The following ENO4 variants were observed in gnomAD, a reference collection of about 807,000 sequenced individuals.
The protein encoded by ENO4 is 2-phospho-D-glycerate hydro-lyase.
In ENO4, 53 loss-of-function variants were observed where a neutral mutation model predicts 63.2. The ratio of observed to expected loss-of-function variants is 0.84; its 90% CI spans 0.67 to 1.05. ENO4 has a LOEUF of 1.05. Ranked by LOEUF, ENO4 falls within the 50% of genes least tolerant of loss-of-function variation. The pLI, the probability that ENO4 is intolerant of heterozygous loss-of-function variation, is 0.00. For missense variants in ENO4, 719 were observed against 772.0 expected, an observed-to-expected ratio of 0.93 and a Z score of 0.81; for synonymous variants, 266 against 283.8, an observed-to-expected ratio of 0.94 and a Z score of 0.63.
intron 12 of ENO4, among the ~76,000 whole-genome samples, 155 bp from the exon 13 acceptor site, chr10:116,879,714 G>A (rs1428163348): frequency 6.6e-6 from 1 of 152,216 alleles, no homozygotes; most frequent in African/African-American, 2.4e-5. Context: ...AGCACTCTCA[G>A]CTTGTAGGCC....
intron 11 of ENO4, among the ~76,000 whole-genome samples, chr10:116,878,979 A>G (rs945683691): frequency 1.2e-4 from 19 of 152,090 alleles, no homozygotes; most frequent in South Asian, 4.2e-4. Context: ...TCCTGACCTC[A>G]TGATCCACCT....
intron 4 of ENO4, 115 bp from the exon 5 acceptor site, chr10:116,860,679 G>T (rs1846385899): frequency 1.4e-6 from 1 of 736,276 alleles, no homozygotes; most frequent in Non-Finnish European, 1.9e-6. Flanking sequence ...GGGGGTTGAG[G>T]TAGAGCATTT....
chr10:116,864,803 T>G (rs11197838), intron 7 of ENO4, among the ~76,000 whole-genome samples: 3,451 of 152,214 alleles, frequency 0.023, 77 homozygotes, highest in Admixed American at 0.041. Context: ...GCAAATCACT[T>G]GAGGTCAGGA....
chr10:116,889,432 C>T (rs1024454825), intron 10 of ENO4, among the ~76,000 whole-genome samples: 9 of 152,158 alleles, frequency 5.9e-5, no homozygotes, highest in Admixed American at 1.3e-4. Flanking sequence ...CTGAACTAGG[C>T]GCAGTGGGCA....
At chr10:116,855,241 C>T (rs1589748775) in intron 1 of ENO4, among the ~76,000 whole-genome samples, 1 of 151,910 alleles carries the variant, frequency 6.6e-6, no homozygotes, top group African/African-American at 2.4e-5. Flanking sequence ...TGCAGTGAGC[C>T]GAGATCACAC....
chr10:116,878,742 C>CTTTTTTTTTTT (rs10635577), intron 11 of ENO4, among the ~76,000 whole-genome samples: 1 of 114,362 alleles, frequency 8.7e-6, no homozygotes, highest in Admixed American at 1.1e-4. Context: ...AATCATATAT[C>CTTTTTTTTTTT]TTTTTTTTTT....
chr10:116,858,143 T>C (rs900466185), intron 3 of ENO4, among the ~76,000 whole-genome samples: 17 of 152,184 alleles, frequency 1.1e-4, no homozygotes, highest in Admixed American at 2.0e-4. Context: ...CTGGTTCTTC[T>C]GTAGACCAAC....
At chr10:116,897,921 C>A (rs1230800317) in intron 10 of ENO4, among the ~76,000 whole-genome samples, 1 of 152,160 alleles carries the variant, frequency 6.6e-6, no homozygotes, top group African/African-American at 2.4e-5. Flanking sequence ...CGTCTACAGG[C>A]TTTTATTGAT....
chr10:116,871,373 C>A, intron 9 of ENO4, 81 bp downstream of exon 9: 1 of 1,235,684 alleles, frequency 8.1e-7, no homozygotes, highest in African/African-American at 1.5e-5. Context: ...AAGAGCTTAT[C>A]TGAATATTGT....
intron 1 of ENO4, among the ~76,000 whole-genome samples, chr10:116,853,311 A>AG: frequency 6.6e-6 from 1 of 151,876 alleles, no homozygotes; most frequent in South Asian, 2.1e-4. Context: ...AAAAAAAAAA[A>AG]AAACCAAAGC....
intron 10 of ENO4, among the ~76,000 whole-genome samples, chr10:116,910,644 C>T (rs1848155706): frequency 6.6e-6 from 1 of 152,186 alleles, no homozygotes; most frequent in African/African-American, 2.4e-5. Flanking sequence ...TTGGCCAGAA[C>T]TGTGCCCCAG....
downstream of ENO4, chr10:116,886,516 T>TG (rs572392240): frequency 6.2e-6 from 10 of 1,614,176 alleles, no homozygotes; most frequent in Non-Finnish European, 8.5e-6. Context: ...TGGTTCGGCT[T>TG]GTTTTTCACC....
chr10:116,856,602 G>T lies in ENO4; in HGVS notation c.405G>T (p.Val135=), dbSNP rs747107212. ...GGGCCAGCGCGGTGAGCACCGCCGT[G>T]CAGTGGGTCAACAGCACCATCACGC... ...AERASAVSTA[V]QWVNSTITHE... The change falls in exon 3 of 14, where the codon GTG becomes GTT. Residue 135 remains valine, a synonymous_variant. Coordinates refer to ENST00000341276, the MANE Select transcript of ENO4 (RefSeq NM_001242699.2). The T allele has an allele frequency of 8.3e-5, 128 of 1,536,102 alleles. 1 individual carries two copies. The highest frequency in any genetic ancestry group is 2.1e-5 in the Non-Finnish European group (24 of 1,146,950).
chr10:116,858,685 C>T (rs930154563), intron 3 of ENO4, among the ~76,000 whole-genome samples: 9 of 152,282 alleles, frequency 5.9e-5, no homozygotes, highest in Non-Finnish European at 1.0e-4. Flanking sequence ...CTGTAACCCA[C>T]AATAAAATTA....
intron 10 of ENO4, chr10:116,907,998 C>A: frequency 8.6e-6 from 4 of 467,246 alleles, no homozygotes; most frequent in Admixed American, 7.0e-5. Flanking sequence ...TCTTCTTTAG[C>A]ATGTAAAACA....
At chr10:116,909,023 ATTTT>A (rs1848085834) in intron 10 of ENO4, among the ~76,000 whole-genome samples, 3 of 152,210 alleles carry the variant, frequency 2.0e-5, no homozygotes, top group Admixed American at 6.5e-5. Context: ...TACCAAGACT[ATTTT>A]AGTTATCTCT....
At chr10:116,890,769 G>GA (rs1320427061) in intron 10 of ENO4, among the ~76,000 whole-genome samples, 4 of 152,220 alleles carry the variant, frequency 2.6e-5, no homozygotes, top group Non-Finnish European at 5.9e-5. Flanking sequence ...CTAGTAAAAG[G>GA]AAAGACCTGA....
intron 10 of ENO4, chr10:116,901,058 A>G: frequency 1.0e-6 from 1 of 985,444 alleles, no homozygotes; most frequent in Non-Finnish European, 1.2e-6. Context: ...TGATTACAAT[A>G]TTCGGCTGAT....
At chr10:116,874,572 A>G (rs1846778420) in intron 10 of ENO4, among the ~76,000 whole-genome samples, 1 of 152,234 alleles carries the variant, frequency 6.6e-6, no homozygotes, top group South Asian at 2.1e-4. Context: ...CAATAGGTTA[A>G]TCATATACCA....
Sources: allele counts gnomAD v4.1 joint callset (sites outside exome capture counted in the v4.1 genomes callset), GRCh38; gene constraint gnomAD v4.1.1; transcripts MANE v1.5; gene names NCBI Gene and HGNC (gene_info 2026-07-23, HGNC 2026-07-21).